Variants in MYO5B observed in about 807,000 individuals in gnomAD.
MYO5B encodes unconventional myosin-Vb.
Under a neutral mutation model 229.3 loss-of-function variants are expected in MYO5B, and 143 were observed. That is an observed-to-expected ratio of 0.62 (90% CI 0.54 to 0.72). MYO5B has a LOEUF of 0.72. Among genes scored for constraint, MYO5B ranks in the 30% least tolerant of loss-of-function variants. The pLI is 0.00. For missense variants in MYO5B, 2,321 were observed against 2,331.0 expected, an observed-to-expected ratio of 1.00 and a Z score of 0.09; for synonymous variants, 918 against 885.2, an observed-to-expected ratio of 1.04 and a Z score of -0.66.
At chr18:49,916,952 A>C (rs1245468658) in intron 17 of MYO5B, among the ~76,000 whole-genome samples, 1 of 152,212 alleles carries the variant, frequency 6.6e-6, no homozygotes, top group Admixed American at 6.5e-5. Context: ...AACTTTTTAA[A>C]GGGGCTTTCT....
At chr18:50,046,436 T>C (rs1228222451) in intron 2 of MYO5B, among the ~76,000 whole-genome samples, 1 of 152,220 alleles carries the variant, frequency 6.6e-6, no homozygotes, top group Non-Finnish European at 1.5e-5. Flanking sequence ...GAAACTCAGT[T>C]TCCCTAATTG....
intron 34 of MYO5B, among the ~76,000 whole-genome samples, chr18:49,842,611 G>A (rs1421700990): frequency 6.6e-6 from 1 of 152,212 alleles, no homozygotes; most frequent in Non-Finnish European, 1.5e-5. Flanking sequence ...CCCACTGCCT[G>A]GCCCTCATCC....
At chr18:49,915,219 C>G (rs910076542) in intron 17 of MYO5B, among the ~76,000 whole-genome samples, 1 of 152,050 alleles carries the variant, frequency 6.6e-6, no homozygotes, top group Admixed American at 6.5e-5. Context: ...GTAAAATATA[C>G]CCCTTTAGAG....
At chr18:50,119,451 T>G (rs544312000) in intron 1 of MYO5B, among the ~76,000 whole-genome samples, 3 of 152,356 alleles carry the variant, frequency 2.0e-5, no homozygotes, top group African/African-American at 7.2e-5. Flanking sequence ...TTGCTGTCAC[T>G]GCAAACAGAG....
At chr18:49,919,175 T>G (rs180853089) in intron 17 of MYO5B, among the ~76,000 whole-genome samples, 11 of 152,328 alleles carry the variant, frequency 7.2e-5, no homozygotes, top group South Asian at 6.2e-4. Flanking sequence ...GGCTCTTACA[T>G]GTAAACTCAC....
At chr18:49,922,869 C>T (rs1471530926) in intron 17 of MYO5B, among the ~76,000 whole-genome samples, 1 of 152,126 alleles carries the variant, frequency 6.6e-6, no homozygotes, top group Admixed American at 6.5e-5. Context: ...TATCAGCTGC[C>T]CCTTAAGAGG....
At chr18:49,908,149 C>CG (rs1200282449) in intron 18 of MYO5B, among the ~76,000 whole-genome samples, 1 of 151,890 alleles carries the variant, frequency 6.6e-6, no homozygotes, top group Admixed American at 6.5e-5. Flanking sequence ...TTCCCTATTT[C>CG]GGAAAAAAAA....
chr18:49,985,895 TCTC>T (rs1568059514), intron 7 of MYO5B, among the ~76,000 whole-genome samples: 1 of 152,166 alleles, frequency 6.6e-6, no homozygotes, highest in Non-Finnish European at 1.5e-5. Flanking sequence ...CTGAAGTCTC[TCTC>T]CTTTCTCCAT....
chr18:50,132,765 TGGGA>T (rs1262427320), intron 1 of MYO5B, among the ~76,000 whole-genome samples: 2 of 152,184 alleles, frequency 1.3e-5, no homozygotes, highest in Non-Finnish European at 2.9e-5. Flanking sequence ...CATAGTTAAG[TGGGA>T]GCATGAGACA....
chr18:49,944,085 T>G (rs2025345161), intron 14 of MYO5B, among the ~76,000 whole-genome samples: 1 of 152,134 alleles, frequency 6.6e-6, no homozygotes. Flanking sequence ...TTTATTTTTA[T>G]CCTAAGAGCA....
chr18:49,865,183 C>T (rs2024382067), intron 27 of MYO5B, among the ~76,000 whole-genome samples: 1 of 152,132 alleles, frequency 6.6e-6, no homozygotes, highest in African/African-American at 2.4e-5. Context: ...ATGATGGAAC[C>T]AGGGGACCGC....
chr18:49,903,265 T>G lies in MYO5B; in HGVS notation c.2572-432A>C, dbSNP rs150217886. 5.8e-4 allele frequency among the ~76,000 whole-genome samples: 89 copies of G among 152,142 alleles called. 1 individual carries two copies. In the East Asian group the frequency reaches 0.016, roughly 28 times the overall value. ...TTATAATTACAAACTTGGTGTGTAA[T>G]TCACTGTTTTTTTTTTTCTACCAAG... On this transcript the variant is annotated intron_variant, in intron 20 of 39. Coordinates refer to ENST00000285039, the MANE Select transcript of MYO5B (RefSeq NM_001080467.3).
chr18:50,000,624 G>A (rs2026035819), intron 5 of MYO5B, among the ~76,000 whole-genome samples: 1 of 152,148 alleles, frequency 6.6e-6, no homozygotes, highest in Non-Finnish European at 1.5e-5. Context: ...AACTTCTCTG[G>A]CCTGTAGTTG....
At chr18:49,965,128 C>CCAGTCAGG (rs2025607930) in intron 10 of MYO5B, among the ~76,000 whole-genome samples, 1 of 152,168 alleles carries the variant, frequency 6.6e-6, no homozygotes, top group South Asian at 2.1e-4. Flanking sequence ...CCAGAAAGAT[C>CCAGTCAGG]CAGTCAGGGC....
intron 4 of MYO5B, among the ~76,000 whole-genome samples, chr18:50,016,534 C>T (rs909869673): frequency 6.6e-6 from 1 of 152,214 alleles, no homozygotes; most frequent in African/African-American, 2.4e-5. Context: ...CTTGTCCCAA[C>T]TGTCACAATC....
chr18:49,931,346 T>C (rs1401720210), intron 16 of MYO5B, among the ~76,000 whole-genome samples: 3 of 152,116 alleles, frequency 2.0e-5, no homozygotes, highest in Non-Finnish European at 4.4e-5. Flanking sequence ...TGTGGCTTCA[T>C]TGCTCCCCTC....
At chr18:50,188,822 C>CAT (rs1599090655) in intron 1 of MYO5B, among the ~76,000 whole-genome samples, 1 of 71,556 alleles carries the variant, frequency 1.4e-5, no homozygotes, top group East Asian at 5.5e-4. Context: ...AAAAAACACA[C>CAT]ACACCTATCA....
chr18:49,875,643 C>T (rs527834992), intron 26 of MYO5B, 44 bp downstream of exon 26: 1 of 1,613,182 alleles, frequency 6.2e-7, no homozygotes, highest in Admixed American at 1.7e-5. Context: ...CTAGATTGTT[C>T]TCTCATCCAA....
In MYO5B at chr18:49,824,165, A is replaced by G. The variant is rs564044792; in HGVS notation, c.*2306T>C. 1 of 152,480 alleles carries G rather than the reference A, an allele frequency of 6.6e-6. No individual in the cohort carries two copies. Among genetic ancestry groups the G allele is most frequent in the East Asian group, 1.9e-4 (1 of 5,192 alleles). 9.4% of individuals were successfully genotyped at this position (152,480 alleles called of 1,614,324 possible). On this transcript the variant is annotated 3_prime_UTR_variant, in exon 40 of 40. Coordinates refer to ENST00000285039, the MANE Select transcript of MYO5B (RefSeq NM_001080467.3). ...ATTGAAATGATTTTTTAAAATGCAGAGAAAATGCTAACAAAAGATTATATA... is the reference window on the plus strand; with the variant it reads ...ATTGAAATGATTTTTTAAAATGCAGGGAAAATGCTAACAAAAGATTATATA...
Sources: gnomAD v4.1 joint callset for allele counts (sites outside exome capture counted in the v4.1 genomes callset) on GRCh38, gnomAD v4.1.1 for gene constraint, MANE v1.5 for transcripts, NCBI Gene and HGNC (gene_info 2026-07-23, HGNC 2026-07-21) for gene names.